Variants in PAQR9 observed in about 807,000 individuals in gnomAD.
PAQR9 encodes membrane progestin receptor epsilon.
In PAQR9, 12 loss-of-function variants were observed where a neutral mutation model predicts 24.0. That is an observed-to-expected ratio of 0.50 (90% CI 0.32 to 0.81). The LOEUF (loss-of-function observed/expected upper bound fraction) is 0.81, where lower values mean the gene tolerates loss of function less well. Among genes scored for constraint, PAQR9 ranks in the 30% least tolerant of loss-of-function variants. The pLI is 0.03. For missense variants in PAQR9, 418 were observed against 520.8 expected, an observed-to-expected ratio of 0.80 and a Z score of 1.92; for synonymous variants, 266 against 237.6, an observed-to-expected ratio of 1.12 and a Z score of -1.10.
At chr3:142,963,956 G>A (rs1185398059), upstream of PAQR9, 1 of 895,456 alleles carries the variant, frequency 1.1e-6, no homozygotes, top group Non-Finnish European at 1.3e-6. Context: ...GAGTACTAGA[G>A]TCGGCCCTGG....
At position 142,958,842 on chromosome 3, in the gene PAQR9, G is replaced by A. The variant is rs1007170876; in HGVS notation, c.*3361C>T. ...TACAAGCCAGTCATGACATGACCGA[G>A]GAACTCATTTCCTCTCTCTGGGAAG... On this transcript the variant is annotated 3_prime_UTR_variant, in exon 1 of 1. Transcript: ENST00000340634. Among the ~76,000 whole-genome samples, 1 of 152,116 alleles carries A rather than the reference G, an allele frequency of 6.6e-6. No homozygotes were observed. The highest frequency in any genetic ancestry group is 1.5e-5 in the Non-Finnish European group (1 of 68,040).
Position 142,962,097 on chromosome 3 carries a change from T to C in PAQR9, c.*106A>G. ...TCCCTATGGTTTTGCAGCACCTTCC[T>C]TGAGCAAAGAAGAAAACACAATGAA... is the stretch of plus-strand genomic sequence containing the variant. On this transcript the variant is annotated 3_prime_UTR_variant, in exon 1 of 1. Coordinates refer to ENST00000340634, the MANE Select transcript of PAQR9 (RefSeq NM_198504.4). The C allele has an allele frequency of 7.5e-7, 1 of 1,341,496 alleles. No individual in the cohort carries two copies. Among genetic ancestry groups the C allele is most frequent in the Non-Finnish European group, 1.0e-6 (1 of 971,808 alleles). 83.1% of individuals were successfully genotyped at this position (1,341,496 alleles called of 1,614,324 possible).
chr3:142,951,786 C>T (rs929861622), downstream of PAQR9: 1 of 456,418 alleles, frequency 2.2e-6, no homozygotes, highest in Non-Finnish European at 4.4e-6. Flanking sequence ...TGATGTCAGG[C>T]ATGAAAGTCA....
chr3:142,962,283 A>G lies in PAQR9; in HGVS notation c.1054T>C (p.Tyr352His). The G allele has an allele frequency of 1.2e-6, 2 of 1,614,210 alleles. No homozygotes were observed. Among genetic ancestry groups the G allele is most frequent in the South Asian group, 1.1e-5 (1 of 91,090 alleles). ...AAPTFSGTVG[Y>H]MLLLVVCLGL... ...AGGCAGACCACCAGCAGCAGCATGT[A>G]GCCCACAGTACCCGAGAAAGTGGGT... The change falls in exon 1 of 1, where the codon TAC becomes CAC. Residue 352 changes from tyrosine to histidine, a missense_variant. Transcript: ENST00000340634.
rs1261442148 is a variant in PAQR9 at position 142,956,494 on chromosome 3, G to A, written c.*5709C>T. On this transcript the variant is annotated 3_prime_UTR_variant, in exon 1 of 1. Coordinates refer to ENST00000340634, the MANE Select transcript of PAQR9 (RefSeq NM_198504.4). ...ATTGAGAACAAAAGCATTAAAGCAA[G>A]TGCATTACATTTAGAAGCACAATAC... 6.6e-6 allele frequency among the ~76,000 whole-genome samples: 1 copy of A among 152,238 alleles called. No individual in the cohort carries two copies. Among genetic ancestry groups the A allele is most frequent in the Admixed American group, 6.5e-5 (1 of 15,280 alleles).
In PAQR9 at chr3:142,962,311, G is replaced by A. The variant is rs367575595; in HGVS notation, c.1026C>T (p.Ala342=). 8.1e-6 allele frequency: 13 copies of A among 1,613,988 alleles called. No individual in the cohort carries two copies. The highest frequency in any genetic ancestry group is 1.1e-5 in the Non-Finnish European group (13 of 1,180,036). Residue 342 remains alanine, a synonymous_variant, in exon 1 of 1, where the codon GCC becomes GCT. Transcript: ENST00000340634. ...CCACAGTACCCGAGAAAGTGGGTGCGGCAGGCGGCGCCTGGAGGAACTGGC... is the reference window on the plus strand; with the variant it reads ...CCACAGTACCCGAGAAAGTGGGTGCAGCAGGCGGCGCCTGGAGGAACTGGC... The part of the protein sequence containing the change: ...GLRQFLQAPP[A]APTFSGTVGY...
In PAQR9 at chr3:142,955,442, T is replaced by TAAAAAA. The variant is rs150071656; in HGVS notation, c.*6755_*6760dup. On this transcript the variant is annotated 3_prime_UTR_variant, in exon 1 of 1. Transcript: ENST00000340634. The stretch of plus-strand genomic sequence containing the variant: ...GAGCGACCACATGGTCTATACAAAT[T>TAAAAAA]AAAAAAAAAAAAAAAAAAAAAAAAA... Among the ~76,000 whole-genome samples the TAAAAAA allele has an allele frequency of 3.2e-3, 69 of 21,612 alleles. 3 individuals carry two copies. The highest frequency in any genetic ancestry group is 5.1e-3 in the Non-Finnish European group (51 of 9,916). The allele number at this position is 21,612 out of a possible 152,430, so 14.2% of individuals were successfully genotyped here.
At chr3:142,951,524 T>A, downstream of PAQR9, 1 of 355,478 alleles carries the variant, frequency 2.8e-6, no homozygotes, top group South Asian at 2.1e-5. Context: ...ATATATCAGT[T>A]TGGGGTCAAT....
rs1363010096 is a variant in PAQR9 at position 142,958,344 on chromosome 3, T to C, written c.*3859A>G. Among the ~76,000 whole-genome samples the C allele has an allele frequency of 6.6e-6, 1 of 152,224 alleles. No homozygotes were observed. Among genetic ancestry groups the C allele is most frequent in the Non-Finnish European group, 1.5e-5 (1 of 68,046 alleles). On this transcript the variant is annotated 3_prime_UTR_variant, in exon 1 of 1. Transcript: ENST00000340634. ...TGTCTGTGTGCTTGGCCAGGCATCA[T>C]AGCCATGCAAACTAGTAAACACAGT...
rs998072162 is a variant in PAQR9, at chr3:142,963,535, G to C, written c.-199C>G. 1 of 996,320 alleles carries C rather than the reference G, an allele frequency of 1.0e-6. No homozygotes were observed. The highest frequency in any genetic ancestry group is 1.7e-5 in the African/African-American group (1 of 57,228). The allele number at this position is 996,320 out of a possible 1,614,324, so 61.7% of individuals were successfully genotyped here. A position where few individuals can be genotyped will look rare whatever the true frequency, so the allele number is the denominator to read the frequency against. On this transcript the variant is annotated 5_prime_UTR_variant, in exon 1 of 1. Coordinates refer to ENST00000340634, the MANE Select transcript of PAQR9 (RefSeq NM_198504.4). Reference sequence around the variant, plus strand: ...CAATAAGAGAATCAATTAATAGGCAGCGCTGCGACCGCCAGGAGCGCGGAG... The same window carrying C: ...CAATAAGAGAATCAATTAATAGGCACCGCTGCGACCGCCAGGAGCGCGGAG...
Position 142,960,110 on chromosome 3 carries a change from G to A in PAQR9, c.*2093C>T, listed in dbSNP as rs996624318. On this transcript the variant is annotated 3_prime_UTR_variant, in exon 1 of 1. Coordinates refer to ENST00000340634, the MANE Select transcript of PAQR9 (RefSeq NM_198504.4). Reference sequence around the variant, plus strand: ...CACAAAGGATGAGACACTGACACTCGTCAACAACTGTGCAAAGTGTATTTA... The same window carrying A: ...CACAAAGGATGAGACACTGACACTCATCAACAACTGTGCAAAGTGTATTTA... Among the ~76,000 whole-genome samples the A allele has an allele frequency of 7.9e-5, 12 of 152,128 alleles. No individual in the cohort carries two copies. The highest frequency in any genetic ancestry group is 2.4e-4 in the African/African-American group (10 of 41,420).
chr3:142,963,780 CG>C, upstream of PAQR9: 1 of 976,322 alleles, frequency 1.0e-6, no homozygotes. Context: ...CGAGGAAGGG[CG>C]GGGGCCTCCC....
rs1425026597 is a variant in PAQR9 at position 142,956,674 on chromosome 3, C to G, written c.*5529G>C. Among the ~76,000 whole-genome samples the G allele has an allele frequency of 1.3e-5, 2 of 152,050 alleles. No homozygotes were observed. The highest frequency in any genetic ancestry group is 1.5e-5 in the Non-Finnish European group (1 of 67,988). Reference sequence around the variant, plus strand: ...AACAGCTAAATGAGCATTCTTGGCCCCTGACCTATAAATAAACACTCTAAT... The same window carrying G: ...AACAGCTAAATGAGCATTCTTGGCCGCTGACCTATAAATAAACACTCTAAT... On this transcript the variant is annotated 3_prime_UTR_variant, in exon 1 of 1. Transcript: ENST00000340634.
rs1934824010 is a variant in PAQR9, at chr3:142,958,139, G to C, written c.*4064C>G. Among the ~76,000 whole-genome samples, 1 of 152,252 alleles carries C rather than the reference G, an allele frequency of 6.6e-6. No individual in the cohort carries two copies. The highest frequency in any genetic ancestry group is 1.5e-5 in the Non-Finnish European group (1 of 68,050). ...ACAGCTCAAAGATTGCTGACAGAGT[G>C]AAGTCAGCAGTGGTAAACTTCAACA... On this transcript the variant is annotated 3_prime_UTR_variant, in exon 1 of 1. Coordinates refer to ENST00000340634, the MANE Select transcript of PAQR9 (RefSeq NM_198504.4).
At chr3:142,954,530 C>T (rs1934763746), downstream of PAQR9, among the ~76,000 whole-genome samples, 1 of 152,020 alleles carries the variant, frequency 6.6e-6, no homozygotes, top group African/African-American at 2.4e-5. Flanking sequence ...TTAGGAATAC[C>T]CTGTTGCTGA....
At position 142,957,512 on chromosome 3, in the gene PAQR9, A is replaced by G. The variant is rs1934808954; in HGVS notation, c.*4691T>C. On this transcript the variant is annotated 3_prime_UTR_variant, in exon 1 of 1. Transcript: ENST00000340634. ...AGATCCTAAAAGGCTAGAGAGCATT[A>G]GTTAATCTCAGTTAATTTTGGAGAT... is the stretch of plus-strand genomic sequence containing the variant. Among the ~76,000 whole-genome samples, 2 of 152,220 alleles carry G rather than the reference A, an allele frequency of 1.3e-5. No individual in the cohort carries two copies. The highest frequency in any genetic ancestry group is 2.1e-4 in the South Asian group (1 of 4,834).
chr3:142,950,925 A>G (rs1457069963), downstream of PAQR9, among the ~76,000 whole-genome samples: 1 of 152,172 alleles, frequency 6.6e-6, no homozygotes, highest in Non-Finnish European at 1.5e-5. Context: ...TAGATCAAAG[A>G]CTTACAGGAT....
In PAQR9 at chr3:142,954,757, C is replaced by T. The variant is rs1376068794; in HGVS notation, c.*7446G>A. Among the ~76,000 whole-genome samples the T allele has an allele frequency of 6.6e-6, 1 of 152,022 alleles. No individual in the cohort carries two copies. Among genetic ancestry groups the T allele is most frequent in the East Asian group, 1.9e-4 (1 of 5,192 alleles). On this transcript the variant is annotated 3_prime_UTR_variant, in exon 1 of 1. Transcript: ENST00000340634. Reference sequence around the variant, plus strand: ...ATGTGTCACATTTTTTTTTCAGCTACATGCACAGAACTGGCCAAAGTGATA... The same window carrying T: ...ATGTGTCACATTTTTTTTTCAGCTATATGCACAGAACTGGCCAAAGTGATA...
downstream of PAQR9, among the ~76,000 whole-genome samples, chr3:142,954,430 T>C (rs1021371963): frequency 6.6e-6 from 1 of 152,270 alleles, no homozygotes; most frequent in Non-Finnish European, 1.5e-5. Context: ...GATAAACTTA[T>C]ACTCTTGCCT....
Sources: allele counts gnomAD v4.1 joint callset (sites outside exome capture counted in the v4.1 genomes callset), GRCh38; gene constraint gnomAD v4.1.1; transcripts MANE v1.5; gene names NCBI Gene and HGNC (gene_info 2026-07-23, HGNC 2026-07-21).